The following SAXO1 variants were observed in gnomAD, a reference collection of about 807,000 sequenced individuals.
The protein encoded by SAXO1 is 4930500O09Rik.
Under a neutral mutation model 17.5 loss-of-function variants are expected in SAXO1, and 21 were observed. The observed-to-expected ratio is 1.20, with a 90% CI of 0.85 to 1.72. The LOEUF (loss-of-function observed/expected upper bound fraction) is 1.72. Among genes scored for constraint, SAXO1 ranks in the 40% most tolerant of loss-of-function variants. The probability of loss-of-function intolerance (pLI) is 0.00; values close to 1 mark genes in which losing one functional copy is unlikely to be tolerated. For missense variants in SAXO1, 843 were observed against 596.0 expected (o/e 1.41, Z -4.32); for synonymous variants, 274 against 216.5 (o/e 1.27, Z -2.33).
chr9:18,942,725 C>T (rs1831624559), intron 2 of SAXO1, among the ~76,000 whole-genome samples: 1 of 152,290 alleles, frequency 6.6e-6, no homozygotes, highest in Middle Eastern at 3.4e-3. Flanking sequence ...ATAAAAAGGC[C>T]CAGATGCTCA....
intron 1 of SAXO1, among the ~76,000 whole-genome samples, chr9:19,013,322 T>G (rs990196887): frequency 5.3e-5 from 8 of 152,102 alleles, no homozygotes; most frequent in Non-Finnish European, 7.4e-5. Flanking sequence ...TAATAGCAGA[T>G]TTTGCAACGC....
chr9:19,020,042 T>C (rs1298568760), intron 1 of SAXO1, among the ~76,000 whole-genome samples: 2 of 144,926 alleles, frequency 1.4e-5, no homozygotes, highest in African/African-American at 2.5e-5. Context: ...AAAAAAAGTG[T>C]CCACGTGGAA....
At chr9:18,933,357 T>C (rs1481089355) in intron 3 of SAXO1, among the ~76,000 whole-genome samples, 3 of 152,156 alleles carry the variant, frequency 2.0e-5, no homozygotes, top group Admixed American at 2.0e-4. Context: ...CCAGAATAAA[T>C]CTCATAGTTT....
chr9:18,951,422 G>A (rs1489340379), intron 1 of SAXO1, among the ~76,000 whole-genome samples: 1 of 152,150 alleles, frequency 6.6e-6, no homozygotes, highest in Non-Finnish European at 1.5e-5. Flanking sequence ...TATCATCACT[G>A]TACACAAATG....
At chr9:19,036,096 G>A (rs1321405226), upstream of SAXO1, among the ~76,000 whole-genome samples, 5 of 150,076 alleles carry the variant, frequency 3.3e-5, no homozygotes, top group African/African-American at 1.2e-4. Context: ...CACACACTGG[G>A]GCCTGGCGGG....
chr9:18,994,195 G>A (rs1833920505), intron 1 of SAXO1, among the ~76,000 whole-genome samples: 1 of 152,150 alleles, frequency 6.6e-6, no homozygotes, highest in Non-Finnish European at 1.5e-5. Flanking sequence ...AAGTGATCAT[G>A]CCACCAGCAA....
At position 18,936,866 on chromosome 9, in the gene SAXO1, T is replaced by C. The variant is rs114167556; in HGVS notation, c.421+4771A>G. ...ATTACAACCAAATGCCGCTAAAGCA[T>C]ATTTTATTGGTGGTTTTCTGGACCC... On this transcript the variant is annotated intron_variant, in intron 3 of 3. Coordinates refer to ENST00000380534, the MANE Select transcript of SAXO1 (RefSeq NM_153707.4). Among the ~76,000 whole-genome samples, 276 of 152,326 alleles carry C rather than the reference T, an allele frequency of 1.8e-3. 1 individual carries two copies. Among genetic ancestry groups the C allele is most frequent in the African/African-American group, 6.2e-3 (258 of 41,558 alleles).
chr9:18,998,028 C>G (rs755466138), intron 1 of SAXO1, among the ~76,000 whole-genome samples: 1 of 152,152 alleles, frequency 6.6e-6, no homozygotes, highest in Non-Finnish European at 1.5e-5. Flanking sequence ...AGCAGAAAGG[C>G]TGAAAATTCC....
intron 2 of SAXO1, 95 bp from the exon 3 acceptor site, chr9:18,941,934 G>T: frequency 1.7e-6 from 2 of 1,198,886 alleles, no homozygotes; most frequent in East Asian, 2.3e-5. Flanking sequence ...TTGCTGAGAA[G>T]TCCTGTTCTA....
intron 1 of SAXO1, among the ~76,000 whole-genome samples, chr9:19,030,801 T>G (rs1835730573): frequency 6.6e-6 from 1 of 152,184 alleles, no homozygotes; most frequent in Non-Finnish European, 1.5e-5. Context: ...AATGGAAGAT[T>G]GCTGGCACCA....
At chr9:19,014,555 G>A (rs1450870549) in intron 1 of SAXO1, among the ~76,000 whole-genome samples, 8 of 151,454 alleles carry the variant, frequency 5.3e-5, no homozygotes, top group South Asian at 4.2e-4. Context: ...AATTGCTATC[G>A]GAAATATCAC....
intron 1 of SAXO1, among the ~76,000 whole-genome samples, chr9:18,985,080 C>T (rs1318283060): frequency 6.6e-6 from 1 of 151,942 alleles, no homozygotes; most frequent in East Asian, 1.9e-4. Flanking sequence ...CAAATATTTG[C>T]CCTATTTCAA....
At chr9:18,983,088 GA>G (rs905158051) in intron 1 of SAXO1, among the ~76,000 whole-genome samples, 9 of 150,552 alleles carry the variant, frequency 6.0e-5, no homozygotes, top group East Asian at 1.9e-4. Context: ...AAAAGGAAAG[GA>G]AAAAAAAAGG....
intron 2 of SAXO1, among the ~76,000 whole-genome samples, chr9:18,946,170 G>A (rs1403917474): frequency 6.6e-6 from 1 of 151,384 alleles, no homozygotes; most frequent in Non-Finnish European, 1.5e-5. Context: ...TAACTACTCG[G>A]GAGGCTGAGG....
At chr9:19,033,982 C>T (rs907905108), upstream of SAXO1, among the ~76,000 whole-genome samples, 35 of 152,176 alleles carry the variant, frequency 2.3e-4, no homozygotes, top group African/African-American at 8.2e-4. Flanking sequence ...GAGCACACCC[C>T]CACCCAGAAG....
intron 1 of SAXO1, among the ~76,000 whole-genome samples, chr9:19,044,201 C>G (rs1836148204): frequency 1.3e-5 from 2 of 151,838 alleles, no homozygotes; most frequent in South Asian, 4.2e-4. Context: ...GGATGCATAC[C>G]CCATTTACCA....
chr9:18,948,368 C>T (rs193272752), intron 2 of SAXO1, among the ~76,000 whole-genome samples: 55 of 152,304 alleles, frequency 3.6e-4, no homozygotes, highest in South Asian at 3.1e-3. Context: ...CATATCTGCT[C>T]CTTTTCCTCC....
chr9:18,939,342 C>T (rs1391428888), intron 3 of SAXO1, among the ~76,000 whole-genome samples: 1 of 152,212 alleles, frequency 6.6e-6, no homozygotes, highest in Admixed American at 6.5e-5. Flanking sequence ...GTATGGACTC[C>T]TGTGTGGTGC....
intron 3 of SAXO1, among the ~76,000 whole-genome samples, chr9:18,933,711 T>C (rs920911434): frequency 7.2e-5 from 11 of 152,232 alleles, no homozygotes; most frequent in Admixed American, 6.5e-4. Flanking sequence ...ACCAACTGCC[T>C]TCAGTCCTCC....
Sources: allele counts gnomAD v4.1 joint callset (sites outside exome capture counted in the v4.1 genomes callset), GRCh38; gene constraint gnomAD v4.1.1; transcripts MANE v1.5; gene names NCBI Gene and HGNC (gene_info 2026-07-23, HGNC 2026-07-21).